The following COL5A2 variants were observed in gnomAD, a reference collection of about 807,000 sequenced individuals.
COL5A2 encodes the protein collagen type V alpha 2 chain.
COL5A2 carries 23 observed loss-of-function variants against 208.2 expected under a neutral mutation model. The ratio of observed to expected loss-of-function variants is 0.11; its 90% CI spans 0.08 to 0.16. The LOEUF (loss-of-function observed/expected upper bound fraction) is 0.16. Ranked by LOEUF, COL5A2 falls within the 10% of genes least tolerant of loss-of-function variation. COL5A2 has a pLI of 1.00. For synonymous variants in COL5A2, 625 were observed against 628.5 expected, an observed-to-expected ratio of 0.99 and a Z score of 0.08; for missense variants, 1,590 against 1,956.4, an observed-to-expected ratio of 0.81 and a Z score of 3.53.
At chr2:189,381,115 G>A in the COL5A2 span, among the ~76,000 whole-genome samples, 5 of 151,874 alleles carry the variant, frequency 3.3e-5, no homozygotes, top group African/African-American at 9.7e-5. Context: ...AGTAAAAAAC[G>A]GAAACAAAGA....
intron 1 of COL5A2, among the ~76,000 whole-genome samples, chr2:189,112,969 C>T (rs1210025596): frequency 6.6e-6 from 1 of 152,078 alleles, no homozygotes; most frequent in African/African-American, 2.4e-5. Flanking sequence ...TAATTTTGCT[C>T]ATTAAGTTTT....
chr2:189,260,293 T>C, the COL5A2 span, among the ~76,000 whole-genome samples: 11 of 152,252 alleles, frequency 7.2e-5, no homozygotes, highest in East Asian at 1.7e-3. Context: ...ACAGAGATAA[T>C]GTCTTTTTAA....
chr2:189,048,028 C>T (rs1685705520), intron 45 of COL5A2, among the ~76,000 whole-genome samples, 181 bp downstream of exon 45: 1 of 152,094 alleles, frequency 6.6e-6, no homozygotes, highest in Non-Finnish European at 1.5e-5. Flanking sequence ...TAATTTGTTG[C>T]ATATTCAAAT....
chr2:189,057,384 G>C lies in COL5A2; in HGVS notation c.2273C>G (p.Pro758Arg), dbSNP rs777211444. ...PSGTPGDTGP[P>R]GLQGMPGERG... is the part of the protein sequence containing the mutation. Reference sequence around the variant, plus strand: ...TTCTCCCGGCATACCTTGAAGACCTGGTGGGCCTGTATCTCCAGGGGTCCC... The same window carrying C: ...TTCTCCCGGCATACCTTGAAGACCTCGTGGGCCTGTATCTCCAGGGGTCCC... The change falls in exon 34 of 54, where the codon CCA becomes CGA. Residue 758 changes from proline to arginine, a missense_variant. Physicochemically the swap from Pro to Arg is moderately radical, Grantham distance 103 (BLOSUM62 -2). Transcript: ENST00000374866. 1 of 1,613,150 alleles carries C rather than the reference G, an allele frequency of 6.2e-7. No homozygotes were observed.
intron 16 of COL5A2, among the ~76,000 whole-genome samples, chr2:189,078,096 C>A (rs1686450441): frequency 6.6e-6 from 1 of 152,198 alleles, no homozygotes; most frequent in African/African-American, 2.4e-5. Flanking sequence ...CTCAGAGTAA[C>A]CACCTTTTAG....
At chr2:189,350,318 A>G in the COL5A2 span, among the ~76,000 whole-genome samples, 23 of 152,330 alleles carry the variant, frequency 1.5e-4, no homozygotes, top group East Asian at 3.1e-3. Context: ...CTGTTTCTTA[A>G]GACACTATTA....
intron 1 of COL5A2, among the ~76,000 whole-genome samples, chr2:189,166,019 A>G (rs1401740224): frequency 6.6e-6 from 1 of 151,134 alleles, no homozygotes; most frequent in Non-Finnish European, 1.5e-5. Flanking sequence ...GTCAAAGAAC[A>G]TATGTTGAGA....
chr2:189,105,412 A>G (rs1319143091), intron 2 of COL5A2, among the ~76,000 whole-genome samples: 1 of 151,562 alleles, frequency 6.6e-6, no homozygotes, highest in African/African-American at 2.4e-5. Flanking sequence ...GATAGGTAAA[A>G]CATGATAGCT....
chr2:189,358,541 T>G, the COL5A2 span, among the ~76,000 whole-genome samples: 1 of 152,224 alleles, frequency 6.6e-6, no homozygotes, highest in Admixed American at 6.5e-5. Flanking sequence ...TGCTCATAGT[T>G]GCTTTGGCTA....
the COL5A2 span, among the ~76,000 whole-genome samples, chr2:189,360,254 T>A: frequency 6.6e-6 from 1 of 152,114 alleles, no homozygotes; most frequent in African/African-American, 2.4e-5. Context: ...CCTAGAAAAA[T>A]TTATGGCAAA....
At chr2:189,125,685 AAAC>A (rs1263681310) in intron 1 of COL5A2, among the ~76,000 whole-genome samples, 1 of 152,138 alleles carries the variant, frequency 6.6e-6, no homozygotes, top group East Asian at 1.9e-4. Context: ...TATATAACAC[AAAC>A]AACATATAAA....
intron 16 of COL5A2, among the ~76,000 whole-genome samples, chr2:189,078,090 G>A (rs1398115057): frequency 6.6e-6 from 1 of 152,132 alleles, no homozygotes; most frequent in Admixed American, 6.6e-5. Context: ...AGTGCACTCA[G>A]AGTAACCACC....
chr2:189,094,413 A>G (rs1233619879), intron 6 of COL5A2, among the ~76,000 whole-genome samples: 1 of 151,716 alleles, frequency 6.6e-6, no homozygotes, highest in East Asian at 2.0e-4. Flanking sequence ...ATTTATTATC[A>G]TTCCCTTCCA....
chr2:189,050,930 G>A (rs1412413605), intron 42 of COL5A2, among the ~76,000 whole-genome samples: 1 of 151,582 alleles, frequency 6.6e-6, no homozygotes. Context: ...CAATAAAAGA[G>A]GTAACTTCAG....
At chr2:189,416,489 C>T in the COL5A2 span, among the ~76,000 whole-genome samples, 1 of 152,110 alleles carries the variant, frequency 6.6e-6, no homozygotes, top group Non-Finnish European at 1.5e-5. Context: ...CATGTTCTCA[C>T]TCATAGGTGG....
At chr2:189,203,005 T>G (rs1260607368) in intron 1 of COL5A2, among the ~76,000 whole-genome samples, 1 of 152,132 alleles carries the variant, frequency 6.6e-6, no homozygotes, top group East Asian at 1.9e-4. Context: ...TGCATTAAAA[T>G]GCTAAAAATG....
the COL5A2 span, among the ~76,000 whole-genome samples, chr2:189,276,478 T>C: frequency 6.6e-6 from 1 of 152,156 alleles, no homozygotes; most frequent in African/African-American, 2.4e-5. Context: ...TTTTTTCTGG[T>C]TTTATGAATG....
chr2:189,063,138 A>T, intron 27 of COL5A2, 34 bp downstream of exon 27: 2 of 1,610,980 alleles, frequency 1.2e-6, no homozygotes, highest in South Asian at 2.2e-5. Context: ...GAGGATCATG[A>T]TGAGGTGGCC....
At chr2:189,359,668 T>C in the COL5A2 span, among the ~76,000 whole-genome samples, 1 of 152,180 alleles carries the variant, frequency 6.6e-6, no homozygotes, top group Non-Finnish European at 1.5e-5. Flanking sequence ...AAATCTTTTA[T>C]AGATTCAGTA....
Sources: allele counts gnomAD v4.1 joint callset (sites outside exome capture counted in the v4.1 genomes callset), GRCh38; gene constraint gnomAD v4.1.1; transcripts MANE v1.5; gene names NCBI Gene and HGNC (gene_info 2026-07-23, HGNC 2026-07-21).